THRAP3: variants seen among roughly 807,000 people sequenced by gnomAD.
THRAP3 encodes thyroid hormone receptor associated protein 3.
THRAP3 carries 16 observed loss-of-function variants against 101.0 expected under a neutral mutation model. That is an observed-to-expected ratio of 0.16 (90% CI 0.11 to 0.24). The LOEUF (loss-of-function observed/expected upper bound fraction) is 0.24. Ranked by LOEUF, THRAP3 falls within the 10% of genes least tolerant of loss-of-function variation. The pLI is 1.00. For synonymous variants in THRAP3, 407 were observed against 422.6 expected (o/e 0.96, Z 0.45); for missense variants, 989 against 1,202.7 (o/e 0.82, Z 2.63).
upstream of THRAP3, among the ~76,000 whole-genome samples, chr1:36,219,656 C>A (rs1644893539): frequency 6.6e-6 from 1 of 151,868 alleles, no homozygotes; most frequent in Non-Finnish European, 1.5e-5. Context: ...TCTCGAACTC[C>A]TGACCTTTGG....
chr1:36,287,973 C>G, intron 4 of THRAP3: 1 of 969,342 alleles, frequency 1.0e-6, no homozygotes, highest in Non-Finnish European at 1.2e-6. Flanking sequence ...TCAAGAGGGA[C>G]TAACCCAGCA....
At chr1:36,249,524 T>C (rs1329316330) in intron 1 of THRAP3, among the ~76,000 whole-genome samples, 1 of 152,120 alleles carries the variant, frequency 6.6e-6, no homozygotes, top group African/African-American at 2.4e-5. Context: ...CCTTCATGTT[T>C]AGTGGGAGAG....
the THRAP3 span, among the ~76,000 whole-genome samples, chr1:36,210,231 T>C: frequency 6.6e-6 from 1 of 151,520 alleles, no homozygotes; most frequent in Non-Finnish European, 1.5e-5. Flanking sequence ...CTGGGCATGG[T>C]GGCAGGCACC....
intron 1 of THRAP3, among the ~76,000 whole-genome samples, chr1:36,240,015 A>G (rs1373740847): frequency 6.6e-6 from 1 of 152,224 alleles, no homozygotes; most frequent in Admixed American, 6.5e-5. Context: ...TTTGTTACAC[A>G]AAGAATATAA....
intron 8 of THRAP3, 128 bp from the exon 9 acceptor site, chr1:36,296,455 T>G: frequency 4.3e-6 from 3 of 699,562 alleles, no homozygotes; most frequent in Non-Finnish European, 4.7e-6. Flanking sequence ...CAAGCTTGGG[T>G]GAGATGCCTC....
At chr1:36,269,279 T>G (rs570964708) in intron 2 of THRAP3, among the ~76,000 whole-genome samples, 2 of 152,304 alleles carry the variant, frequency 1.3e-5, no homozygotes, top group South Asian at 4.1e-4. Context: ...GAGCTCACTT[T>G]TTTTTACAGT....
At chr1:36,261,303 C>T (rs907918556) in intron 2 of THRAP3, among the ~76,000 whole-genome samples, 7 of 151,958 alleles carry the variant, frequency 4.6e-5, no homozygotes, top group East Asian at 1.9e-4. Context: ...GAGGCCAAGG[C>T]GGGCAGATCA....
At chr1:36,274,067 GTGTGTGTGTCACACAC>G (rs1645623788) in intron 2 of THRAP3, among the ~76,000 whole-genome samples, 1 of 29,670 alleles carries the variant, frequency 3.4e-5, no homozygotes, top group Admixed American at 5.2e-4. Flanking sequence ...GACTGTGTGT[GTGTGTGTGTCACACAC>G]ACACACACAC....
At chr1:36,282,915 C>T (rs547273537) in intron 3 of THRAP3, among the ~76,000 whole-genome samples, 1 of 152,312 alleles carries the variant, frequency 6.6e-6, no homozygotes, top group East Asian at 1.9e-4. Context: ...CTTTCCTCTG[C>T]CAGCACATAG....
At chr1:36,281,332 T>C (rs1401360334) in intron 2 of THRAP3, among the ~76,000 whole-genome samples, 3 of 152,214 alleles carry the variant, frequency 2.0e-5, no homozygotes, top group African/African-American at 7.2e-5. Context: ...CTGTCTCACA[T>C]CTCCTCATTA....
chr1:36,272,607 GC>G (rs1296618819), intron 2 of THRAP3, among the ~76,000 whole-genome samples: 32 of 152,286 alleles, frequency 2.1e-4, no homozygotes, highest in African/African-American at 7.7e-4. Context: ...CGCAAGTCAG[GC>G]CCACCCCACT....
At chr1:36,253,314 T>G (rs773602195) in intron 1 of THRAP3, among the ~76,000 whole-genome samples, 9 of 152,132 alleles carry the variant, frequency 5.9e-5, no homozygotes, top group Non-Finnish European at 1.2e-4. Context: ...AATTGAAGAT[T>G]AGATGGAAGC....
chr1:36,269,316 G>GC (rs751883841), intron 2 of THRAP3, among the ~76,000 whole-genome samples: 1 of 152,164 alleles, frequency 6.6e-6, no homozygotes, highest in South Asian at 2.1e-4. Context: ...AGAGTTAGAA[G>GC]CTGCAGCCTT....
At chr1:36,282,744 G>A in intron 3 of THRAP3, 44 bp downstream of exon 3, 1 of 1,607,770 alleles carries the variant, frequency 6.2e-7, no homozygotes, top group East Asian at 2.2e-5. Context: ...CATTGCATCA[G>A]TCGATGTGGA....
chr1:36,241,237 GCTGACAC>G (rs1447755350), intron 1 of THRAP3, among the ~76,000 whole-genome samples: 4 of 149,010 alleles, frequency 2.7e-5, no homozygotes, highest in East Asian at 3.9e-4. Context: ...AATACGTGCC[GCTGACAC>G]CTGACACCTC....
At chr1:36,256,286 C>T (rs1348913440) in intron 1 of THRAP3, among the ~76,000 whole-genome samples, 7 of 150,892 alleles carry the variant, frequency 4.6e-5, no homozygotes, top group Non-Finnish European at 8.9e-5. Context: ...AGTGCAGTGG[C>T]GCAATCTTGG....
chr1:36,292,002 G>A lies in THRAP3; in HGVS notation c.1918+456G>A, dbSNP rs556536570. ...GTTGGGCCAGTTGCAGGTTCCATCT[G>A]AATATAAACTCAAGCAAGAGTTGGT... On this transcript the variant is annotated intron_variant, in intron 6 of 11. Transcript: ENST00000354618. 1.4e-4 allele frequency among the ~76,000 whole-genome samples: 21 copies of A among 152,180 alleles called. 1 individual carries two copies. The South Asian group carries it at 4.1e-3, about 30-fold the overall frequency.
At chr1:36,282,087 A>T (rs1012106205) in intron 2 of THRAP3, among the ~76,000 whole-genome samples, 4 of 148,904 alleles carry the variant, frequency 2.7e-5, no homozygotes, top group South Asian at 2.1e-4. Flanking sequence ...GAAAAAAAAA[A>T]TTTTTTTTTT....
At chr1:36,234,311 C>T (rs1339021686) in intron 1 of THRAP3, among the ~76,000 whole-genome samples, 1 of 152,182 alleles carries the variant, frequency 6.6e-6, no homozygotes, top group African/African-American at 2.4e-5. Context: ...TTTATTCAAG[C>T]AGAGCACACA....
Sources: allele counts gnomAD v4.1 joint callset (sites outside exome capture counted in the v4.1 genomes callset), GRCh38; gene constraint gnomAD v4.1.1; transcripts MANE v1.5; gene names NCBI Gene and HGNC (gene_info 2026-07-23, HGNC 2026-07-21).